MAP7D3: variants seen among roughly 807,000 people sequenced by gnomAD.
The protein encoded by MAP7D3 is MAP7 domain-containing protein 3.
A neutral mutation model predicts 62.2 loss-of-function variants in MAP7D3; 45 were observed. The ratio of observed to expected loss-of-function variants is 0.72; its 90% CI spans 0.57 to 0.93. MAP7D3 has a LOEUF of 0.93. Ranked by LOEUF, MAP7D3 falls within the 40% of genes least tolerant of loss-of-function variation. MAP7D3 has a pLI of 0.00. For synonymous variants in MAP7D3, 288 were observed against 248.8 expected (o/e 1.16, Z -1.48); for missense variants, 711 against 683.1 (o/e 1.04, Z -0.45).
rs752657842 is a variant in MAP7D3, at chrX:136,241,204, C to T, written c.491G>A (p.Trp164Ter). 19 of 1,191,494 alleles carry T rather than the reference C, an allele frequency of 1.6e-5. No homozygotes were observed. In the African/African-American group the frequency reaches 2.3e-4, roughly 14 times the overall value. The change falls in exon 5 of 19, where the codon TGG becomes TAG. Residue 164 changes from tryptophan (W) to a stop codon, truncating the protein, a stop_gained. Coordinates refer to ENST00000316077, the MANE Select transcript of MAP7D3 (RefSeq NM_024597.4). LOFTEE classifies it high-confidence loss of function. The part of the protein sequence containing the change: ...RLADDYQQKR[W>*]SWGGSAMANS... ...CGCCATTGCAGAGCCTCCCCATGACCATCTTTTTTGCTGATAATCATCAGC... is the reference window on the plus strand; with the variant it reads ...CGCCATTGCAGAGCCTCCCCATGACTATCTTTTTTGCTGATAATCATCAGC...
At position 136,217,832 on chromosome X, in the gene MAP7D3, T is replaced by A. The variant is rs2074077785; in HGVS notation, c.*694A>T. 1 of 110,817 alleles carries A rather than the reference T, an allele frequency of 9.0e-6. No homozygotes were observed. The highest frequency in any genetic ancestry group is 3.3e-5 in the African/African-American group (1 of 30,443). The allele number at this position is 110,817 out of a possible 1,213,427, so 9.1% of individuals were successfully genotyped here. A position where few individuals can be genotyped will look rare whatever the true frequency, so the allele number is the denominator to read the frequency against. On this transcript the variant is annotated 3_prime_UTR_variant, in exon 19 of 19. Transcript: ENST00000316077. ...ACTTTGGGAGGCCAAGACGGGTGGATCTCTTGAGGCCAGGATTTCGAGACT... is the reference window on the plus strand; with the variant it reads ...ACTTTGGGAGGCCAAGACGGGTGGAACTCTTGAGGCCAGGATTTCGAGACT...
chrX:136,227,935 C>T (rs1359983178), intron 11 of MAP7D3, among the ~76,000 whole-genome samples: 3 of 111,642 alleles, frequency 2.7e-5, no homozygotes, highest in Non-Finnish European at 5.6e-5. Context: ...TTTTCCCAAG[C>T]CCATATAAGC....
At chrX:136,215,422 T>C (rs1417041324), downstream of MAP7D3, among the ~76,000 whole-genome samples, 1 of 112,050 alleles carries the variant, frequency 8.9e-6, no homozygotes, top group African/African-American at 3.2e-5. Context: ...GGTTGTGTGC[T>C]TCTCATGAGA....
In MAP7D3 at chrX:136,241,142, A is replaced by T; in HGVS notation, c.535+18T>A. 1 of 899,526 alleles carries T rather than the reference A, an allele frequency of 1.1e-6. No individual in the cohort carries two copies. The highest frequency in any genetic ancestry group is 1.6e-6 in the Non-Finnish European group (1 of 618,275). The allele number at this position is 899,526 out of a possible 1,213,427, so 74.1% of individuals were successfully genotyped here. A position where few individuals can be genotyped will look rare whatever the true frequency, so the allele number is the denominator to read the frequency against. On this transcript the variant is annotated intron_variant, in intron 5 of 18. Transcript: ENST00000316077. ...AAGAACATAAACAAACTTAAAATTTAATGGGTGTATTAATTACCAGTTTTG... is the reference window on the plus strand; with the variant it reads ...AAGAACATAAACAAACTTAAAATTTTATGGGTGTATTAATTACCAGTTTTG...
intron 12 of MAP7D3, 80 bp downstream of exon 12, chrX:136,227,204 G>C (rs2074207985): frequency 2.3e-6 from 2 of 876,950 alleles, no homozygotes; most frequent in Non-Finnish European, 3.2e-6. Context: ...CTTTCTCAGA[G>C]ACAGAGATTT....
Position 136,217,054 on chromosome X carries a change from C to T in MAP7D3, c.*1472G>A, listed in dbSNP as rs1412563723. 2 of 111,946 alleles carry T rather than the reference C, an allele frequency of 1.8e-5. No homozygotes were observed. The highest frequency in any genetic ancestry group is 5.5e-4 in the East Asian group (2 of 3,623). The allele number at this position is 111,946 out of a possible 1,213,427, so 9.2% of individuals were successfully genotyped here. A position where few individuals can be genotyped will look rare whatever the true frequency, so the allele number is the denominator to read the frequency against. On this transcript the variant is annotated 3_prime_UTR_variant, in exon 19 of 19. Transcript: ENST00000316077. ...AGAACCAGGGAATCTGAAAGAATTACCTCCTTTTACTAATCCAAGACTGGC... is the reference window on the plus strand; with the variant it reads ...AGAACCAGGGAATCTGAAAGAATTATCTCCTTTTACTAATCCAAGACTGGC...
Position 136,227,279 on chromosome X carries a change from C to A in MAP7D3, c.2034+5G>T. The A allele has an allele frequency of 8.3e-7, 1 of 1,208,033 alleles. No homozygotes were observed. Among genetic ancestry groups the A allele is most frequent in the South Asian group, 1.8e-5 (1 of 56,525 alleles). Reference sequence around the variant, plus strand: ...ATCCCCTGATAAAGTGTCAAGTCAGCAAACCTGCAGTGGTGCTTCCTGGTC... The same window carrying A: ...ATCCCCTGATAAAGTGTCAAGTCAGAAAACCTGCAGTGGTGCTTCCTGGTC... On this transcript the variant is annotated splice_donor_5th_base_variant and intron_variant, in intron 12 of 18. Coordinates refer to ENST00000316077, the MANE Select transcript of MAP7D3 (RefSeq NM_024597.4).
intron 16 of MAP7D3, 90 bp downstream of exon 16, chrX:136,220,675 G>C: frequency 1.3e-6 from 1 of 760,099 alleles, no homozygotes; most frequent in Non-Finnish European, 2.0e-6. Context: ...TACAAACTAA[G>C]AGCACAAGAG....
chrX:136,256,197 C>A (rs746152304), upstream of MAP7D3: 1 of 1,132,799 alleles, frequency 8.8e-7, no homozygotes, highest in Non-Finnish European at 1.2e-6. Context: ...CTGTGATGCC[C>A]GGGAAGAGTG....
Position 136,230,968 on chromosome X carries a change from T to C in MAP7D3, c.1414-2A>G. 1 of 1,191,625 alleles carries C rather than the reference T, an allele frequency of 8.4e-7. No individual in the cohort carries two copies. The highest frequency in any genetic ancestry group is 1.1e-6 in the Non-Finnish European group (1 of 881,517). On this transcript the variant is annotated splice_acceptor_variant, in intron 8 of 18. Coordinates refer to ENST00000316077, the MANE Select transcript of MAP7D3 (RefSeq NM_024597.4). LOFTEE classifies it high-confidence loss of function. ...GGCCTGTTTGTCCATTTCTGATTTC[T>C]GAACAGATAAACACAGTATGGTAAA...
At chrX:136,224,348 C>T (rs1413891035) in intron 14 of MAP7D3, among the ~76,000 whole-genome samples, 4 of 105,604 alleles carry the variant, frequency 3.8e-5, no homozygotes, top group Non-Finnish European at 5.8e-5. Flanking sequence ...TGCAGTGAGC[C>T]GAGATCACAC....
chrX:136,218,437 T>C lies in MAP7D3; in HGVS notation c.*89A>G, dbSNP rs2074084605. The C allele has an allele frequency of 9.0e-6, 1 of 111,707 alleles. No homozygotes were observed. Among genetic ancestry groups the C allele is most frequent in the Non-Finnish European group, 1.9e-5 (1 of 53,076 alleles). The allele number at this position is 111,707 out of a possible 1,213,427, so 9.2% of individuals were successfully genotyped here. A position where few individuals can be genotyped will look rare whatever the true frequency, so the allele number is the denominator to read the frequency against. ...TTTGAGGACTGATGGGCCCAGGAGT[T>C]GAGTTATCCAGAGTGGAAGATGTAT... On this transcript the variant is annotated 3_prime_UTR_variant, in exon 19 of 19. Transcript: ENST00000316077.
intron 4 of MAP7D3, 138 bp downstream of exon 4, chrX:136,244,494 A>C: frequency 1.9e-6 from 1 of 515,244 alleles, no homozygotes; most frequent in Non-Finnish European, 3.2e-6. Flanking sequence ...GCTGAGGGGA[A>C]GAGGAAGCGA....
At position 136,217,310 on chromosome X, in the gene MAP7D3, C is replaced by A. The variant is rs1304446798; in HGVS notation, c.*1216G>T. The stretch of plus-strand genomic sequence containing the variant: ...TGTATCTCAAGCCTGAGTGTATACT[C>A]AACGACAGAACTGGAGAGTACAGGC... On this transcript the variant is annotated 3_prime_UTR_variant, in exon 19 of 19. Transcript: ENST00000316077. 1 of 112,286 alleles carries A rather than the reference C, an allele frequency of 8.9e-6. No individual in the cohort carries two copies. Among genetic ancestry groups the A allele is most frequent in the Non-Finnish European group, 1.9e-5 (1 of 53,204 alleles). The allele number at this position is 112,286 out of a possible 1,213,427, so 9.3% of individuals were successfully genotyped here. A position where few individuals can be genotyped will look rare whatever the true frequency, so the allele number is the denominator to read the frequency against.
intron 13 of MAP7D3, 140 bp from the exon 14 acceptor site, chrX:136,225,020 A>G: frequency 2.3e-6 from 1 of 425,867 alleles, no homozygotes; most frequent in Non-Finnish European, 4.0e-6. Context: ...TACCAACAAA[A>G]GGCTTACGGT....
At position 136,230,491 on chromosome X, in the gene MAP7D3, G is replaced by C. The variant is rs2074254049; in HGVS notation, c.1644C>G (p.Thr548=). The change falls in exon 10 of 19, where the codon ACC becomes ACG. Residue 548 remains threonine (T), a synonymous_variant. Transcript: ENST00000316077. The part of the protein sequence containing the change: ...FPYKIMPIQH[T]LSVQSASSTV... ...TACTTGATGCACTTTGCACAGACAGGGTGTGTTGAATAGGCATTATTTTAT... is the reference window on the plus strand; with the variant it reads ...TACTTGATGCACTTTGCACAGACAGCGTGTGTTGAATAGGCATTATTTTAT... 1.7e-6 allele frequency: 2 copies of C among 1,184,758 alleles called. No homozygotes were observed. Among genetic ancestry groups the C allele is most frequent in the Non-Finnish European group, 2.3e-6 (2 of 871,089 alleles).
upstream of MAP7D3, among the ~76,000 whole-genome samples, chrX:136,253,686 C>T (rs964996870): frequency 6.3e-5 from 7 of 111,761 alleles, no homozygotes; most frequent in African/African-American, 2.3e-4. Context: ...TTGTAGTCAC[C>T]TAGGAAAATG....
chrX:136,251,635 C>T (rs1296895600), upstream of MAP7D3: 3 of 666,356 alleles, frequency 4.5e-6, no homozygotes, highest in East Asian at 1.2e-4. Context: ...TGAGGACTAG[C>T]CAATCAGCAC....
chrX:136,254,368 AACCACTGCGCCCAGCC>A (rs1476944876), upstream of MAP7D3, among the ~76,000 whole-genome samples: 1 of 111,196 alleles, frequency 9.0e-6, no homozygotes, highest in Non-Finnish European at 1.9e-5. Flanking sequence ...TACAGATGTG[AACCACTGCGCCCAGCC>A]GAGTTTTTTT....
Sources: allele counts gnomAD v4.1 joint callset (sites outside exome capture counted in the v4.1 genomes callset), GRCh38; gene constraint gnomAD v4.1.1; transcripts MANE v1.5; gene names NCBI Gene and HGNC (gene_info 2026-07-23, HGNC 2026-07-21).